Variants in MTCL1 observed in about 807,000 individuals in gnomAD.
MTCL1 encodes microtubule cross-linking factor 1.
In MTCL1, 79 loss-of-function variants were observed where a neutral mutation model predicts 141.4. The observed-to-expected ratio is 0.56, with a 90% confidence interval of 0.47 to 0.67. The LOEUF is 0.67. Among genes scored for constraint, MTCL1 ranks in the 30% least tolerant of loss-of-function variants. The probability of loss-of-function intolerance (pLI) is 0.00; values close to 1 mark genes in which losing one functional copy is unlikely to be tolerated. For missense variants in MTCL1, 2,177 were observed against 2,113.9 expected (o/e 1.03, Z -0.59); for synonymous variants, 914 against 875.8 (o/e 1.04, Z -0.77).
intron 4 of MTCL1, among the ~76,000 whole-genome samples, chr18:8,773,959 A>T (rs780453342): frequency 6.6e-6 from 1 of 152,134 alleles, no homozygotes; most frequent in Non-Finnish European, 1.5e-5. Context: ...TCCTTTTCAA[A>T]GTGTTCTTGG....
rs1358112624 is a variant in MTCL1, at chr18:8,707,107, C to G, written c.1053+394C>G. The stretch of plus-strand genomic sequence containing the variant: ...GTGATCCTTCGCCAGGGAGCTCTAG[C>G]CGGGCCACGTGCGGGCGTGGCGGTT... On this transcript the variant is annotated intron_variant, in intron 1 of 13. Coordinates refer to the MTCL1 transcript ENST00000306329. 9 of 166,316 alleles carry G rather than the reference C, an allele frequency of 5.4e-5. No individual in the cohort carries two copies. In the East Asian group the frequency reaches 1.6e-3, roughly 30 times the overall value. The allele number at this position is 166,316 out of a possible 1,614,324, so 10.3% of individuals were successfully genotyped here. A position where few individuals can be genotyped will look rare whatever the true frequency, so the allele number is the denominator to read the frequency against.
intron 13 of MTCL1, 42 bp from the exon 13 acceptor site, chr18:8,821,425 C>T (rs1202966707): frequency 7.4e-7 from 1 of 1,357,812 alleles, no homozygotes; most frequent in Admixed American, 1.8e-5. Flanking sequence ...TTCTGGACAA[C>T]CAAAATTAAC....
At chr18:8,827,251 A>C (rs1424702047) in intron 15 of MTCL1, among the ~76,000 whole-genome samples, 1 of 152,230 alleles carries the variant, frequency 6.6e-6, no homozygotes, top group Non-Finnish European at 1.5e-5. Flanking sequence ...CCCTGGCTTC[A>C]TGGGCAGGGA....
rs562092585 is a variant in MTCL1 at position 8,773,895 on chromosome 18, C to T, written c.358-3938C>T. ...TAATCTGTCTATCTTATACCAGCACCGAACCATTGTATTGAATTTTTATAT... is the reference window on the plus strand; with the variant it reads ...TAATCTGTCTATCTTATACCAGCACTGAACCATTGTATTGAATTTTTATAT... On this transcript the variant is annotated intron_variant, in intron 4 of 16. Coordinates refer to ENST00000359865, the Ensembl canonical transcript of MTCL1. 6.6e-5 allele frequency among the ~76,000 whole-genome samples: 10 copies of T among 152,250 alleles called. No homozygotes were observed. The South Asian group carries it at 1.7e-3, about 25-fold the overall frequency.
chr18:8,738,668 T>C (rs1252976576), intron 4 of MTCL1, among the ~76,000 whole-genome samples: 2 of 152,208 alleles, frequency 1.3e-5, no homozygotes, highest in South Asian at 4.1e-4. Flanking sequence ...TTTTGCCCAA[T>C]AACTGCTTTT....
intron 7 of MTCL1, among the ~76,000 whole-genome samples, chr18:8,792,393 T>C (rs528519): frequency 0.51 from 78,244 of 152,028 alleles, 21,779 homozygotes; most frequent in African/African-American, 0.74. Flanking sequence ...TGCGATTCCC[T>C]GTAGACAACA....
chr18:8,784,613 C>T lies in MTCL1; in HGVS notation c.1501C>T (p.Gln501Ter), dbSNP rs761900543. The T allele has an allele frequency of 1.2e-5, 19 of 1,612,798 alleles. No homozygotes were observed. The highest frequency in any genetic ancestry group is 7.7e-5 in the South Asian group (7 of 90,882). Residue 501 changes from glutamine to a stop codon, truncating the protein, a stop_gained, in exon 6 of 17, where the codon CAG (glutamine) becomes TAG (stop). Transcript: ENST00000359865. LOFTEE classifies it high-confidence loss of function. ...GCCTGGCCTCCAGGGCGAAGAGGAG[C>T]AGGGTGAGGGGGACCAGCAGGAGCC...
At chr18:8,734,710 C>A (rs749811883) in intron 4 of MTCL1, among the ~76,000 whole-genome samples, 3 of 152,178 alleles carry the variant, frequency 2.0e-5, no homozygotes, top group Non-Finnish European at 4.4e-5. Context: ...ACAGTGCGTG[C>A]CTGGGATCAA....
chr18:8,769,229 A>G (rs961886452), intron 4 of MTCL1, among the ~76,000 whole-genome samples: 2 of 152,166 alleles, frequency 1.3e-5, no homozygotes, highest in African/African-American at 2.4e-5. Context: ...TAGGATTCTG[A>G]TTCCATATTT....
chr18:8,786,114 C>CCCCCCCCA (rs1568035313), intron 7 of MTCL1, 23 bp downstream of exon 6: 49 of 1,387,380 alleles, frequency 3.5e-5, no homozygotes, highest in South Asian at 2.5e-4. Context: ...AAGCAATCCC[C>CCCCCCCCA]CCCCCCCGCC....
exon 15 of MTCL1, chr18:8,825,955 G>A (rs755386065): frequency 6.3e-7 from 1 of 1,598,996 alleles, no homozygotes; most frequent in Admixed American, 1.7e-5. Flanking sequence ...CTGGGCCCAG[G>A]CCAGGAAACA....
chr18:8,794,817 T>C (rs1033471504), intron 8 of MTCL1, among the ~76,000 whole-genome samples: 7 of 152,218 alleles, frequency 4.6e-5, no homozygotes, highest in Non-Finnish European at 1.0e-4. Flanking sequence ...CCTCCCTTCT[T>C]TTTAATTACT....
rs752900468 is a variant in MTCL1, at chr18:8,828,124, C to G, written c.4723-784C>G. 1.7e-4 allele frequency among the ~76,000 whole-genome samples: 26 copies of G among 152,076 alleles called. No individual in the cohort carries two copies. Among genetic ancestry groups the G allele is most frequent in the Admixed American group, 3.3e-4 (5 of 15,276 alleles). On this transcript the variant is annotated intron_variant, in intron 15 of 16. Coordinates refer to ENST00000359865, the Ensembl canonical transcript of MTCL1. This position sits in a 1 kb window ranked among gnomAD's most constrained non-coding sequence, Gnocchi z 5.2. ...GTAATATATTCAGGCCATTGCAACCCCTTCCCATTGCTCCATGAATTATGC... is the reference window on the plus strand; with the variant it reads ...GTAATATATTCAGGCCATTGCAACCGCTTCCCATTGCTCCATGAATTATGC...
At chr18:8,763,129 T>C (rs1377199560) in intron 4 of MTCL1, among the ~76,000 whole-genome samples, 4 of 152,248 alleles carry the variant, frequency 2.6e-5, no homozygotes, top group African/African-American at 4.8e-5. Context: ...GTCCCATGTC[T>C]GTCTGGAGGA....
rs149822767 is a variant in MTCL1, at chr18:8,770,198, G to A, written c.358-7635G>A. On this transcript the variant is annotated intron_variant, in intron 4 of 16. Coordinates refer to ENST00000359865, the Ensembl canonical transcript of MTCL1. ...TGGTGGCCCATCTCCAAGTTTAGGG[G>A]ATCTTGAAACATTACCCAACTTTTG... Among the ~76,000 whole-genome samples the A allele has an allele frequency of 1.9e-3, 296 of 152,276 alleles. 2 individuals carry two copies. The highest frequency in any genetic ancestry group is 6.9e-3 in the African/African-American group (286 of 41,560).
In MTCL1 at chr18:8,821,462, T is replaced by C; in HGVS notation, c.3157-5T>C. 6.9e-7 allele frequency: 1 copy of C among 1,443,532 alleles called. No individual in the cohort carries two copies. The highest frequency in any genetic ancestry group is 9.7e-7 in the Non-Finnish European group (1 of 1,036,056). The allele number at this position is 1,443,532 out of a possible 1,614,324, so 89.4% of individuals were successfully genotyped here. On this transcript the variant is annotated splice_region_variant and splice_polypyrimidine_tract_variant and intron_variant, in intron 13 of 16. Transcript: ENST00000359865. ...GATTCAGATGAAGTTATTTCTTCTT[T>C]ATAGGAAGAAGAAAATCACAAAGGA... is the stretch of plus-strand genomic sequence containing the variant.
chr18:8,805,102 A>AATATATATATATATATATATATAT (rs71356268), intron 10 of MTCL1, among the ~76,000 whole-genome samples: 231 of 146,330 alleles, frequency 1.6e-3, no homozygotes, highest in African/African-American at 3.6e-3. Flanking sequence ...TTTATTTTTG[A>AATATATATATATATATATATATAT]ATATATATAT....
At chr18:8,820,406 TC>T (rs1305140797) in intron 13 of MTCL1, among the ~76,000 whole-genome samples, 1 of 150,648 alleles carries the variant, frequency 6.6e-6, no homozygotes, top group African/African-American at 2.4e-5. Context: ...CAAGACTCCA[TC>T]CAAAAAAAAA....
At position 8,810,823 on chromosome 18, in the gene MTCL1, C is replaced by T. The variant is rs1192901444; in HGVS notation, c.2605-2156C>T. On this transcript the variant is annotated intron_variant, in intron 11 of 16. Transcript: ENST00000359865. The surrounding 1 kb of genome is among the most constrained non-coding windows in gnomAD (Gnocchi z 5.0). ...TAAATAATTGATCAAGAAGCGTCAC[C>T]ACTGACCTGTGCCCGTGGCTGTCAT... Among the ~76,000 whole-genome samples, 2 of 152,134 alleles carry T rather than the reference C, an allele frequency of 1.3e-5. No homozygotes were observed. The highest frequency in any genetic ancestry group is 2.4e-5 in the African/African-American group (1 of 41,428).
Sources: allele counts gnomAD v4.1 joint callset (sites outside exome capture counted in the v4.1 genomes callset), GRCh38; gene constraint gnomAD v4.1.1; non-coding constraint Gnocchi (gnomAD v3.1); transcripts MANE v1.5; gene names NCBI Gene and HGNC (gene_info 2026-07-23, HGNC 2026-07-21).